The following NRDC variants were observed in gnomAD, a reference collection of about 807,000 sequenced individuals.
NRDC encodes the protein nardilysin.
In NRDC, 54 loss-of-function variants were observed where a neutral mutation model predicts 147.1. The observed-to-expected ratio is 0.37, with a 90% confidence interval of 0.29 to 0.46. The LOEUF is 0.46. Ranked by LOEUF, NRDC falls within the 20% of genes least tolerant of loss-of-function variation. The pLI is 1.00. For synonymous variants in NRDC, 440 were observed against 482.1 expected, an observed-to-expected ratio of 0.91 and a Z score of 1.14; for missense variants, 1,082 against 1,370.6, an observed-to-expected ratio of 0.79 and a Z score of 3.33.
chr1:51,873,232 A>C (rs933552780), intron 1 of NRDC, among the ~76,000 whole-genome samples: 2 of 152,150 alleles, frequency 1.3e-5, no homozygotes, highest in Non-Finnish European at 2.9e-5. Context: ...GATTTGTATA[A>C]GGCTTCTGCT....
chr1:51,836,494 C>A, intron 2 of NRDC: 1 of 1,411,796 alleles, frequency 7.1e-7, no homozygotes, highest in Non-Finnish European at 9.9e-7. Flanking sequence ...CTGGACAGCC[C>A]ACCCAAATAT....
intron 1 of NRDC, among the ~76,000 whole-genome samples, chr1:51,864,491 T>C (rs112938002): frequency 0.013 from 1,952 of 152,306 alleles, 47 homozygotes; most frequent in African/African-American, 0.045. Flanking sequence ...TTTTTTGATA[T>C]ACAAGTACTT....
chr1:51,801,667 C>A (rs1037103948), intron 20 of NRDC, among the ~76,000 whole-genome samples: 4 of 152,122 alleles, frequency 2.6e-5, no homozygotes, highest in African/African-American at 9.7e-5. Context: ...ATAGCCAGAA[C>A]CTCTAAAACA....
At chr1:51,839,839 A>G (rs1356925639) in intron 2 of NRDC, among the ~76,000 whole-genome samples, 1 of 152,188 alleles carries the variant, frequency 6.6e-6, no homozygotes, top group African/African-American at 2.4e-5. Context: ...TTCCAGTCTC[A>G]CCAAGGATAA....
At chr1:51,825,965 T>G (rs776485252) in intron 5 of NRDC, among the ~76,000 whole-genome samples, 3 of 152,236 alleles carry the variant, frequency 2.0e-5, no homozygotes, top group Non-Finnish European at 4.4e-5. Context: ...ATGAATGGAT[T>G]AGTCCCTTGT....
intron 1 of NRDC, among the ~76,000 whole-genome samples, chr1:51,856,014 A>T (rs1030271388): frequency 2.3e-4 from 35 of 152,324 alleles, no homozygotes; most frequent in African/African-American, 8.4e-4. Flanking sequence ...AAATTAACTA[A>T]ACAAAAAATA....
chr1:51,875,268 C>G (rs939447673), intron 1 of NRDC, among the ~76,000 whole-genome samples: 5 of 152,142 alleles, frequency 3.3e-5, no homozygotes, highest in African/African-American at 1.2e-4. Flanking sequence ...GTATATAAAA[C>G]AGGTAATATG....
intron 1 of NRDC, among the ~76,000 whole-genome samples, chr1:51,864,444 A>C (rs1438507018): frequency 6.6e-6 from 1 of 152,210 alleles, no homozygotes; most frequent in African/African-American, 2.4e-5. Flanking sequence ...TGAACTTCAT[A>C]AAAATTTTCA....
intron 3 of NRDC, among the ~76,000 whole-genome samples, chr1:51,835,804 T>G (rs1244305898): frequency 6.6e-6 from 1 of 152,230 alleles, no homozygotes; most frequent in East Asian, 1.9e-4. Flanking sequence ...GGGGCCTTGC[T>G]AACCCTGGAA....
In NRDC at chr1:51,790,414, G is replaced by A. The variant is rs574578338; in HGVS notation, c.3168+119C>T. Reference sequence around the variant, plus strand: ...ACTCAGGAAGTGAGCGAGTAATCAGGCCAGGACTAGTGTTTCGAGTTTCTC... The same window carrying A: ...ACTCAGGAAGTGAGCGAGTAATCAGACCAGGACTAGTGTTTCGAGTTTCTC... On this transcript the variant is annotated intron_variant, in intron 29 of 30. Coordinates refer to ENST00000352171, the MANE Select transcript of NRDC (RefSeq NM_001101662.2). 173 of 738,152 alleles carry A rather than the reference G, an allele frequency of 2.3e-4. 1 individual carries two copies. Among genetic ancestry groups the A allele is most frequent in the South Asian group, 2.1e-3 (128 of 61,550 alleles). 45.7% of individuals were successfully genotyped at this position (738,152 alleles called of 1,614,324 possible). A position where few individuals can be genotyped will look rare whatever the true frequency, so the allele number is the denominator to read the frequency against.
chr1:51,837,386 T>C, intron 2 of NRDC: 1 of 1,172,906 alleles, frequency 8.5e-7, no homozygotes, highest in Middle Eastern at 2.1e-4. Context: ...AAACCCCATT[T>C]TGAAGACTTA....
intron 22 of NRDC, among the ~76,000 whole-genome samples, chr1:51,795,944 G>A (rs935461899): frequency 4.6e-5 from 7 of 151,524 alleles, no homozygotes; most frequent in African/African-American, 1.7e-4. Context: ...GCAGTGGCAT[G>A]ACCTCAGCTC....
chr1:51,834,521 G>A (rs867630737), intron 3 of NRDC, among the ~76,000 whole-genome samples: 1 of 152,014 alleles, frequency 6.6e-6, no homozygotes, highest in Non-Finnish European at 1.5e-5. Context: ...TCACCAGGTT[G>A]CCCAGGCTGG....
intron 24 of NRDC, chr1:51,793,899 C>G (rs1678767393): frequency 6.5e-6 from 1 of 152,710 alleles, no homozygotes; most frequent in African/African-American, 2.4e-5. Context: ...GTGATTACTG[C>G]CACGTGCTTC....
intron 1 of NRDC, among the ~76,000 whole-genome samples, chr1:51,853,216 C>CAAA (rs942070091): frequency 1.4e-5 from 2 of 143,640 alleles, no homozygotes; most frequent in African/African-American, 5.1e-5. Flanking sequence ...AGACTGTCTC[C>CAAA]AAAAAAAAAT....
At chr1:51,831,387 T>A (rs12123333) in intron 4 of NRDC, among the ~76,000 whole-genome samples, 17,624 of 152,190 alleles carry the variant, frequency 0.12, 1,271 homozygotes, top group Non-Finnish European at 0.16. Flanking sequence ...CTGCTTAAGA[T>A]TTCTTCACAC....
At chr1:51,818,416 A>C (rs906966321) in intron 9 of NRDC, among the ~76,000 whole-genome samples, 14 of 152,226 alleles carry the variant, frequency 9.2e-5, no homozygotes, top group Non-Finnish European at 4.4e-5. Flanking sequence ...AAGGATACAA[A>C]ACTAGGAGTC....
intron 1 of NRDC, among the ~76,000 whole-genome samples, chr1:51,863,027 A>AC (rs1682624813): frequency 6.7e-6 from 1 of 150,148 alleles, no homozygotes; most frequent in South Asian, 2.1e-4. Flanking sequence ...AAAAAAAAAA[A>AC]AAAAAAAAAA....
rs781168587 is a variant in NRDC, at chr1:51,790,663, A to G, written c.3052-14T>C. 2.5e-6 allele frequency: 4 copies of G among 1,571,554 alleles called. 1 individual carries two copies. The South Asian group carries it at 4.4e-5, about 17-fold the overall frequency. On this transcript the variant is annotated splice_polypyrimidine_tract_variant and intron_variant, in intron 28 of 30. Coordinates refer to ENST00000352171, the MANE Select transcript of NRDC (RefSeq NM_001101662.2). ...GAGAGCTGTGACCTGTTCCCACCAAAAAGAAAGATGCTCAGGTGAGGCAAC... is the reference window on the plus strand; with the variant it reads ...GAGAGCTGTGACCTGTTCCCACCAAGAAGAAAGATGCTCAGGTGAGGCAAC...
Sources: allele counts gnomAD v4.1 joint callset (sites outside exome capture counted in the v4.1 genomes callset), GRCh38; gene constraint gnomAD v4.1.1; transcripts MANE v1.5; gene names NCBI Gene and HGNC (gene_info 2026-07-23, HGNC 2026-07-21).